The following GRM8 variants were observed in gnomAD, a reference collection of about 807,000 sequenced individuals.
GRM8 encodes the protein metabotropic glutamate receptor 8.
In GRM8, 47 loss-of-function variants were observed where a neutral mutation model predicts 87.2. The ratio of observed to expected loss-of-function variants is 0.54; its 90% CI spans 0.43 to 0.69. The LOEUF is 0.69. Among genes scored for constraint, GRM8 ranks in the 30% least tolerant of loss-of-function variants. The pLI, the probability that GRM8 is intolerant of heterozygous loss-of-function variation, is 0.00. For synonymous variants in GRM8, 396 were observed against 404.5 expected, an observed-to-expected ratio of 0.98 and a Z score of 0.25; for missense variants, 1,019 against 1,139.2, an observed-to-expected ratio of 0.89 and a Z score of 1.52.
At position 126,705,198 on chromosome 7, in the gene GRM8, T is replaced by C. The variant is rs573935647; in HGVS notation, c.1357+64667A>G. Among the ~76,000 whole-genome samples, 6 of 152,278 alleles carry C rather than the reference T, an allele frequency of 3.9e-5. 1 individual carries two copies. The highest frequency in any genetic ancestry group is 1.4e-4 in the African/African-American group (6 of 41,562). Reference sequence around the variant, plus strand: ...CCAATAATCAGTAGCCCTGAGACTATAAGTTGAAGTCTGCTTACTTTGCTA... The same window carrying C: ...CCAATAATCAGTAGCCCTGAGACTACAAGTTGAAGTCTGCTTACTTTGCTA... On this transcript the variant is annotated intron_variant, in intron 7 of 10. Transcript: ENST00000339582.
At chr7:126,997,567 T>A (rs1400159885) in intron 3 of GRM8, among the ~76,000 whole-genome samples, 27 of 135,612 alleles carry the variant, frequency 2.0e-4, no homozygotes, top group South Asian at 4.5e-4. Flanking sequence ...AAAGAGACGA[T>A]CCAAACAAAT....
At chr7:126,851,543 C>T (rs1339678439) in intron 6 of GRM8, among the ~76,000 whole-genome samples, 1 of 152,140 alleles carries the variant, frequency 6.6e-6, no homozygotes, top group Admixed American at 6.6e-5. Flanking sequence ...CCCATCCTAA[C>T]CCACACTGTT....
intron 8 of GRM8, among the ~76,000 whole-genome samples, chr7:126,604,217 A>G (rs1451712270): frequency 1.3e-5 from 2 of 152,200 alleles, no homozygotes; most frequent in East Asian, 1.9e-4. Flanking sequence ...TTAATGGAGC[A>G]AAATTCCATC....
chr7:126,714,064 G>A (rs919262934), intron 7 of GRM8, among the ~76,000 whole-genome samples: 2 of 151,078 alleles, frequency 1.3e-5, no homozygotes, highest in Non-Finnish European at 1.5e-5. Flanking sequence ...TTGAGGTAAG[G>A]AGTCCAAGTA....
intron 2 of GRM8, among the ~76,000 whole-genome samples, chr7:127,116,216 AAC>A (rs1016488967): frequency 1.3e-5 from 2 of 152,214 alleles, no homozygotes; most frequent in African/African-American, 2.4e-5. Context: ...TAAAAAATTG[AAC>A]AGTTTTATTT....
At chr7:126,720,454 G>C (rs1189421291) in intron 7 of GRM8, among the ~76,000 whole-genome samples, 1 of 152,090 alleles carries the variant, frequency 6.6e-6, no homozygotes, top group Non-Finnish European at 1.5e-5. Flanking sequence ...AAATGAATAA[G>C]TGGTTATTAG....
At chr7:126,688,773 C>G (rs1160860579) in intron 7 of GRM8, among the ~76,000 whole-genome samples, 1 of 144,058 alleles carries the variant, frequency 6.9e-6, no homozygotes, top group African/African-American at 2.5e-5. Context: ...CACACAGAGA[C>G]ACACAGTGTC....
At chr7:127,224,969 C>A (rs1014152224) in intron 2 of GRM8, among the ~76,000 whole-genome samples, 1 of 151,998 alleles carries the variant, frequency 6.6e-6, no homozygotes, top group African/African-American at 2.4e-5. Context: ...TAATAGTAGG[C>A]AATGATAAAT....
At chr7:126,718,042 C>G (rs1811948123) in intron 7 of GRM8, among the ~76,000 whole-genome samples, 1 of 151,766 alleles carries the variant, frequency 6.6e-6, no homozygotes, top group African/African-American at 2.4e-5. Context: ...ACCACCCTGG[C>G]CAACACGGTG....
intron 3 of GRM8, among the ~76,000 whole-genome samples, chr7:127,093,370 G>A (rs1022656362): frequency 3.9e-5 from 6 of 152,194 alleles, no homozygotes; most frequent in East Asian, 1.9e-4. Flanking sequence ...ATCAGCTCAC[G>A]TGAATAATTC....
At chr7:126,647,314 GATA>G in intron 7 of GRM8, among the ~76,000 whole-genome samples, 1 of 87,926 alleles carries the variant, frequency 1.1e-5, no homozygotes, top group Admixed American at 1.1e-4. Context: ...TAGATAGATA[GATA>G]GATAGATAGA....
At chr7:127,086,602 T>C (rs947729415) in intron 3 of GRM8, among the ~76,000 whole-genome samples, 2 of 152,164 alleles carry the variant, frequency 1.3e-5, no homozygotes, top group Non-Finnish European at 2.9e-5. Context: ...TCCCATAATG[T>C]CCCTGGTTGG....
chr7:126,446,502 T>C, intron 9 of GRM8, 130 bp from the exon 10 acceptor site: 1 of 622,224 alleles, frequency 1.6e-6, no homozygotes, highest in East Asian at 2.7e-5. Flanking sequence ...CTTATTGAAA[T>C]TGTCCTTAAT....
chr7:126,517,861 C>T (rs577714823), intron 9 of GRM8, among the ~76,000 whole-genome samples: 1 of 152,170 alleles, frequency 6.6e-6, no homozygotes, highest in Admixed American at 6.5e-5. Flanking sequence ...AGGAAGAGAA[C>T]TCGTCACCTA....
intron 3 of GRM8, among the ~76,000 whole-genome samples, chr7:127,029,661 C>CTTTTTTTT (rs5887322): frequency 6.7e-6 from 1 of 148,532 alleles, no homozygotes; most frequent in African/African-American, 2.5e-5. Context: ...GCAACCTCTG[C>CTTTTTTTT]TTTTTTTTTT....
chr7:126,571,030 G>A (rs1309665338), intron 8 of GRM8, among the ~76,000 whole-genome samples: 1 of 152,134 alleles, frequency 6.6e-6, no homozygotes, highest in Non-Finnish European at 1.5e-5. Flanking sequence ...ATTGCATGAG[G>A]TCACTTTCAA....
chr7:126,515,864 C>T (rs1812091275), intron 9 of GRM8, among the ~76,000 whole-genome samples: 2 of 152,024 alleles, frequency 1.3e-5, no homozygotes, highest in South Asian at 4.1e-4. Flanking sequence ...TCCTTTTTGA[C>T]ATTTAATATA....
At position 126,775,479 on chromosome 7, in the gene GRM8, G is replaced by GTTTTTTTT. The variant is rs372733476; in HGVS notation, c.1157-5422_1157-5415dup. 1.1e-4 allele frequency among the ~76,000 whole-genome samples: 11 copies of GTTTTTTTT among 104,748 alleles called. 1 individual carries two copies. The highest frequency in any genetic ancestry group is 4.8e-4 in the African/African-American group (11 of 23,034). 68.7% of individuals were successfully genotyped at this position (104,748 alleles called of 152,430 possible). A position where few individuals can be genotyped will look rare whatever the true frequency, so the allele number is the denominator to read the frequency against. On this transcript the variant is annotated intron_variant, in intron 6 of 10. Coordinates refer to ENST00000339582, the MANE Select transcript of GRM8 (RefSeq NM_000845.3). Reference sequence around the variant, plus strand: ...TGAGCGCTATCAAGCTGACAAATAGGTTTTTTTTTTTTTTTTTTTTTTTTT... The same window carrying GTTTTTTTT: ...TGAGCGCTATCAAGCTGACAAATAGGTTTTTTTTTTTTTTTTTTTTTTTTTTTTTTTTT...
intron 9 of GRM8, among the ~76,000 whole-genome samples, chr7:126,529,568 T>A (rs372937470): frequency 6.6e-6 from 1 of 152,158 alleles, no homozygotes; most frequent in Non-Finnish European, 1.5e-5. Context: ...TTTTCTTTTC[T>A]TTTTTTGCCT....
Sources: gnomAD v4.1 joint callset for allele counts (sites outside exome capture counted in the v4.1 genomes callset) on GRCh38, gnomAD v4.1.1 for gene constraint, MANE v1.5 for transcripts, NCBI Gene and HGNC (gene_info 2026-07-23, HGNC 2026-07-21) for gene names.